Variants in MGMT observed in about 807,000 individuals in gnomAD.
MGMT encodes methylated-DNA--protein-cysteine methyltransferase.
Under a neutral mutation model 15.9 loss-of-function variants are expected in MGMT, and 14 were observed. That is an observed-to-expected ratio of 0.88 (90% CI 0.58 to 1.37). MGMT has a LOEUF of 1.37. Among genes scored for constraint, MGMT ranks in the 40% most tolerant of loss-of-function variants. The pLI is 0.00. For missense variants in MGMT, 282 were observed against 268.1 expected, an observed-to-expected ratio of 1.05 and a Z score of -0.36; for synonymous variants, 130 against 118.2, an observed-to-expected ratio of 1.10 and a Z score of -0.65.
chr10:129,547,753 A>C (rs1213186326), intron 2 of MGMT, among the ~76,000 whole-genome samples: 1 of 152,276 alleles, frequency 6.6e-6, no homozygotes, highest in East Asian at 1.9e-4. Flanking sequence ...TTCGAGTAAC[A>C]CTGGGGAGTG....
chr10:129,491,849 C>G (rs1342100351), intron 1 of MGMT, among the ~76,000 whole-genome samples: 1 of 152,058 alleles, frequency 6.6e-6, no homozygotes, highest in African/African-American at 2.4e-5. Flanking sequence ...TGTTGTCTGT[C>G]TTTTCCTCTT....
intron 2 of MGMT, among the ~76,000 whole-genome samples, chr10:129,606,817 TTGAC>T (rs1427749581): frequency 1.3e-5 from 2 of 152,262 alleles, no homozygotes; most frequent in East Asian, 1.9e-4. Context: ...TTGAGTCACT[TTGAC>T]TGTATTAAGC....
At chr10:129,647,085 T>A (rs1182654892) in intron 2 of MGMT, among the ~76,000 whole-genome samples, 3 of 152,154 alleles carry the variant, frequency 2.0e-5, no homozygotes, top group Non-Finnish European at 4.4e-5. Flanking sequence ...TCCGTGTCTC[T>A]GCGAGGCTCC....
intron 4 of MGMT, among the ~76,000 whole-genome samples, chr10:129,762,022 G>C (rs1848879927): frequency 6.6e-6 from 1 of 152,224 alleles, no homozygotes; most frequent in Non-Finnish European, 1.5e-5. Flanking sequence ...CATTAGAATG[G>C]GCTAGGAGGA....
chr10:129,682,322 G>A (rs1288479801), intron 2 of MGMT, among the ~76,000 whole-genome samples: 1 of 152,086 alleles, frequency 6.6e-6, no homozygotes, highest in Non-Finnish European at 1.5e-5. Context: ...AGAATAAAAA[G>A]CAGCCAACTA....
At chr10:129,613,841 C>A (rs1354564572) in intron 2 of MGMT, among the ~76,000 whole-genome samples, 1 of 152,204 alleles carries the variant, frequency 6.6e-6, no homozygotes, top group African/African-American at 2.4e-5. Context: ...CTCCCACCTG[C>A]AACCTGGATG....
intron 2 of MGMT, among the ~76,000 whole-genome samples, chr10:129,544,652 G>A (rs1252141842): frequency 1.3e-5 from 2 of 152,124 alleles, no homozygotes; most frequent in Non-Finnish European, 2.9e-5. Flanking sequence ...GTTGCAGAGA[G>A]TCTGGCCCTG....
At chr10:129,641,614 A>G (rs1233323625) in intron 2 of MGMT, among the ~76,000 whole-genome samples, 1 of 152,194 alleles carries the variant, frequency 6.6e-6, no homozygotes, top group Non-Finnish European at 1.5e-5. Context: ...TACATTTTTC[A>G]GATTAAGGTA....
intron 2 of MGMT, among the ~76,000 whole-genome samples, chr10:129,631,832 A>G (rs1375322111): frequency 2.6e-5 from 4 of 152,110 alleles, no homozygotes; most frequent in African/African-American, 2.4e-5. Context: ...TCAATTTAAT[A>G]AATAAATAAA....
intron 2 of MGMT, among the ~76,000 whole-genome samples, chr10:129,628,107 C>T (rs1018027719): frequency 1.3e-5 from 2 of 152,150 alleles, no homozygotes; most frequent in African/African-American, 4.8e-5. Context: ...AACATCCATG[C>T]AGATGAGCGG....
At chr10:129,634,540 C>T (rs1847244875) in intron 2 of MGMT, among the ~76,000 whole-genome samples, 1 of 151,928 alleles carries the variant, frequency 6.6e-6, no homozygotes, top group East Asian at 1.9e-4. Context: ...GATTTCCTTT[C>T]TCTGTCCTCA....
At chr10:129,630,539 A>AT (rs530053491) in intron 2 of MGMT, among the ~76,000 whole-genome samples, 3 of 152,248 alleles carry the variant, frequency 2.0e-5, no homozygotes, top group Non-Finnish European at 4.4e-5. Context: ...GCCCTTGAAG[A>AT]TAAACTCATT....
intron 2 of MGMT, among the ~76,000 whole-genome samples, chr10:129,630,097 G>T: frequency 6.6e-6 from 1 of 152,200 alleles, no homozygotes; most frequent in East Asian, 1.9e-4. Flanking sequence ...GGTTAATCGC[G>T]TGCGTCTCCA....
chr10:129,580,206 C>G (rs1846535478), intron 2 of MGMT, among the ~76,000 whole-genome samples: 2 of 152,178 alleles, frequency 1.3e-5, no homozygotes, highest in South Asian at 4.1e-4. Context: ...GGAGAAGCAC[C>G]TGCTGTGCCC....
intron 3 of MGMT, among the ~76,000 whole-genome samples, chr10:129,712,925 C>T (rs542924732): frequency 6.6e-6 from 1 of 152,242 alleles, no homozygotes; most frequent in Non-Finnish European, 1.5e-5. Context: ...CCCTCCTCAC[C>T]CGAGGGTCCT....
intron 3 of MGMT, among the ~76,000 whole-genome samples, chr10:129,755,620 G>T (rs182442974): frequency 2.3e-4 from 35 of 152,340 alleles, no homozygotes; most frequent in African/African-American, 8.4e-4. Context: ...TTGAGGGAAA[G>T]GAGACTCCTC....
chr10:129,759,761 T>C (rs1184953603), intron 4 of MGMT, among the ~76,000 whole-genome samples: 1 of 151,994 alleles, frequency 6.6e-6, no homozygotes, highest in Admixed American at 6.6e-5. Flanking sequence ...GGTGCCTGCA[T>C]CCTAGCAGGA....
intron 2 of MGMT, among the ~76,000 whole-genome samples, chr10:129,635,691 A>G (rs1211542291): frequency 6.6e-5 from 10 of 152,232 alleles, no homozygotes; most frequent in Non-Finnish European, 1.5e-4. Context: ...TGCTTCCCCT[A>G]AACTTTCTGA....
chr10:129,755,220 C>T (rs887376377), intron 3 of MGMT, among the ~76,000 whole-genome samples: 2 of 152,346 alleles, frequency 1.3e-5, no homozygotes, highest in East Asian at 3.9e-4. Flanking sequence ...CCCTTTCCCT[C>T]CATTTGTGTT....
Sources: allele counts gnomAD v4.1 joint callset (sites outside exome capture counted in the v4.1 genomes callset), GRCh38; gene constraint gnomAD v4.1.1; transcripts MANE v1.5; gene names NCBI Gene and HGNC (gene_info 2026-07-23, HGNC 2026-07-21).